TUSC3: variants seen among roughly 807,000 people sequenced by gnomAD.
TUSC3 encodes tumor suppressor candidate 3, also known as dolichyl-diphosphooligosaccharide--protein glycosyltransferase subunit TUSC3.
TUSC3 carries 45 observed loss-of-function variants against 44.8 expected under a neutral mutation model. The ratio of observed to expected loss-of-function variants is 1.00; its 90% CI spans 0.79 to 1.29. The LOEUF (loss-of-function observed/expected upper bound fraction) is 1.29, where lower values mean the gene tolerates loss of function less well. Ranked by LOEUF, TUSC3 falls within the 50% of genes most tolerant of loss-of-function variation. TUSC3 has a pLI of 0.00. For synonymous variants in TUSC3, 212 were observed against 152.9 expected, an observed-to-expected ratio of 1.39 and a Z score of -2.85; for missense variants, 519 against 437.9, an observed-to-expected ratio of 1.19 and a Z score of -1.65.
chr8:15,529,952 AT>A (rs1563275393), intron 2 of TUSC3, among the ~76,000 whole-genome samples: 1 of 6,704 alleles, frequency 1.5e-4, no homozygotes, highest in Non-Finnish European at 5.8e-4. Context: ...CGCCCGGCTA[AT>A]TTTTTGTATT....
chr8:15,443,336 TTGTGTGTGTG>T (rs57905950), intron 1 of TUSC3, among the ~76,000 whole-genome samples: 14,219 of 132,936 alleles, frequency 0.11, 742 homozygotes, highest in South Asian at 0.17. Flanking sequence ...ACCCACCTAA[TTGTGTGTGTG>T]TGTGTGTGTG....
At chr8:15,439,602 G>A (rs1563251176) in intron 1 of TUSC3, among the ~76,000 whole-genome samples, 1 of 152,120 alleles carries the variant, frequency 6.6e-6, no homozygotes, top group East Asian at 1.9e-4. Context: ...AAGGGCAAAT[G>A]GAAGTCATAC....
chr8:15,625,282 A>G lies in TUSC3; in HGVS notation c.308+2033A>G, dbSNP rs146911414. Among the ~76,000 whole-genome samples, 144 of 152,242 alleles carry G rather than the reference A, an allele frequency of 9.5e-4. 1 individual carries two copies. In the East Asian group the frequency reaches 0.026, roughly 27 times the overall value. ...AAGAAGTTTGATCTAAGTTAATGAT[A>G]GACACTGGTCTGTAGTTTTTATTGT... On this transcript the variant is annotated intron_variant, in intron 2 of 10. Transcript: ENST00000503731.
chr8:15,469,561 T>C (rs1254860119), intron 1 of TUSC3, among the ~76,000 whole-genome samples: 2 of 152,168 alleles, frequency 1.3e-5, no homozygotes, highest in East Asian at 3.9e-4. Flanking sequence ...ACAAAAATGG[T>C]GCAGGTAATT....
At chr8:15,569,465 G>C (rs1363117962) in intron 1 of TUSC3, among the ~76,000 whole-genome samples, 1 of 152,098 alleles carries the variant, frequency 6.6e-6, no homozygotes, top group Non-Finnish European at 1.5e-5. Flanking sequence ...TATTTAACTT[G>C]CCTTGGAATA....
At chr8:15,466,717 T>G (rs1212254617) in intron 1 of TUSC3, among the ~76,000 whole-genome samples, 3 of 152,102 alleles carry the variant, frequency 2.0e-5, no homozygotes, top group African/African-American at 4.8e-5. Flanking sequence ...TTAATTCCTG[T>G]TTTTGTTGTT....
chr8:15,815,417 A>G, the TUSC3 span, among the ~76,000 whole-genome samples: 1 of 152,148 alleles, frequency 6.6e-6, no homozygotes, highest in Non-Finnish European at 1.5e-5. Flanking sequence ...ATTGAGTCAG[A>G]TTTTACAGAC....
chr8:15,676,552 A>G (rs1281147055), intron 6 of TUSC3, among the ~76,000 whole-genome samples: 3 of 152,178 alleles, frequency 2.0e-5, no homozygotes, highest in African/African-American at 4.8e-5. Flanking sequence ...TGCCAAGGCC[A>G]GTGTCCAGAA....
At chr8:15,806,891 G>C in the TUSC3 span, 8 of 1,245,654 alleles carry the variant, frequency 6.4e-6, no homozygotes, top group South Asian at 1.2e-5. Flanking sequence ...GAGAAAGTAA[G>C]ACGCTTACAT....
chr8:15,634,964 G>C (rs1329823431), intron 2 of TUSC3, among the ~76,000 whole-genome samples: 1 of 152,162 alleles, frequency 6.6e-6, no homozygotes, highest in Non-Finnish European at 1.5e-5. Context: ...AGTACACTCA[G>C]CCAAGTGGTC....
chr8:15,423,980 T>G (rs7836726), intron 1 of TUSC3, among the ~76,000 whole-genome samples: 24,163 of 57,168 alleles, frequency 0.42, 3,937 homozygotes, highest in Middle Eastern at 0.53. Flanking sequence ...TTTTTTTTTT[T>G]TTTTTTTTTT....
chr8:15,427,766 A>G (rs1464147328), intron 1 of TUSC3, among the ~76,000 whole-genome samples: 1 of 152,092 alleles, frequency 6.6e-6, no homozygotes, highest in Admixed American at 6.6e-5. Flanking sequence ...TAACAGCCAC[A>G]CTTGTGTATT....
intron 6 of TUSC3, among the ~76,000 whole-genome samples, chr8:15,692,384 T>C (rs1264358669): frequency 4.3e-5 from 6 of 141,096 alleles, no homozygotes; most frequent in Admixed American, 7.2e-5. Context: ...TGTTTTTTTT[T>C]TTTTTTTTTT....
Position 15,703,812 on chromosome 8 carries a change from C to T in TUSC3, c.799-26854C>T, listed in dbSNP as rs71524162. Among the ~76,000 whole-genome samples the T allele has an allele frequency of 3.4e-3, 521 of 152,220 alleles. 4 individuals carry two copies. Among genetic ancestry groups the T allele is most frequent in the African/African-American group, 0.012 (499 of 41,546 alleles). On this transcript the variant is annotated intron_variant, in intron 6 of 10. Transcript: ENST00000503731. ...AAACTCCTCCTCTCAAGCCCCACCT[C>T]CAACAAATGGGGATCACATTTCAAC... is the stretch of plus-strand genomic sequence containing the variant.
downstream of TUSC3, among the ~76,000 whole-genome samples, chr8:15,771,277 A>C (rs1812435489): frequency 6.6e-6 from 1 of 152,326 alleles, no homozygotes; most frequent in Admixed American, 6.5e-5. Flanking sequence ...AATACTCCTC[A>C]AAATGACCTA....
chr8:15,650,757 T>C lies in TUSC3; in HGVS notation c.369T>C (p.Cys123=), dbSNP rs1260021450. 1.2e-6 allele frequency: 2 copies of C among 1,614,180 alleles called. No homozygotes were observed. The highest frequency in any genetic ancestry group is 1.7e-5 in the Admixed American group (1 of 60,024). ...CCTGGCGCTATTCATCTGCTTTTTG[T>C]AACAAGCTCTTCTTCAGTATGGTGG... ...ANSWRYSSAF[C]NKLFFSMVDY... is the part of the protein sequence containing the mutation. The change falls in exon 3 of 11, where the codon TGT becomes TGC. Residue 123 remains cysteine, a synonymous_variant. Transcript: ENST00000503731.
chr8:15,606,639 A>G (rs1003632950), intron 1 of TUSC3, among the ~76,000 whole-genome samples: 1 of 152,122 alleles, frequency 6.6e-6, no homozygotes, highest in Non-Finnish European at 1.5e-5. Flanking sequence ...TGATGTAATC[A>G]GATTCCTCTC....
At chr8:15,558,878 C>T (rs1302182009) in intron 1 of TUSC3, among the ~76,000 whole-genome samples, 1 of 151,142 alleles carries the variant, frequency 6.6e-6, no homozygotes, top group Non-Finnish European at 1.5e-5. Flanking sequence ...TTTATTGCGT[C>T]TGTTCGATTC....
chr8:15,832,005 G>C, the TUSC3 span, among the ~76,000 whole-genome samples: 2 of 152,088 alleles, frequency 1.3e-5, no homozygotes, highest in African/African-American at 2.4e-5. Context: ...ATTCTCCAAG[G>C]TCAAAATGAA....
Sources: gnomAD v4.1 joint callset for allele counts (sites outside exome capture counted in the v4.1 genomes callset) on GRCh38, gnomAD v4.1.1 for gene constraint, MANE v1.5 for transcripts, NCBI Gene and HGNC (gene_info 2026-07-23, HGNC 2026-07-21) for gene names.